SORCS3: variants seen among roughly 807,000 people sequenced by gnomAD.
SORCS3 encodes sortilin related VPS10 domain containing receptor 3.
A neutral mutation model predicts 146.3 loss-of-function variants in SORCS3; 57 were observed. That is an observed-to-expected ratio of 0.39 (90% CI 0.31 to 0.49). The LOEUF is 0.49. SORCS3 is among the 20% of genes least tolerant of loss of function. SORCS3 has a pLI of 0.92. For missense variants in SORCS3, 1,341 were observed against 1,575.5 expected (o/e 0.85, Z 2.52); for synonymous variants, 653 against 618.5 (o/e 1.06, Z -0.83).
At chr10:104,919,481 G>A (rs535796303) in intron 3 of SORCS3, among the ~76,000 whole-genome samples, 7 of 151,946 alleles carry the variant, frequency 4.6e-5, no homozygotes, top group African/African-American at 1.2e-4. Flanking sequence ...ACCTGAGGTC[G>A]GGAGTTCGAG....
intron 5 of SORCS3, among the ~76,000 whole-genome samples, chr10:105,059,266 A>G (rs956745163): frequency 2.0e-5 from 3 of 152,186 alleles, no homozygotes; most frequent in South Asian, 4.1e-4. Flanking sequence ...GTTCCAACCA[A>G]TGAAGACATT....
At chr10:104,818,093 C>G (rs924662287) in intron 1 of SORCS3, among the ~76,000 whole-genome samples, 15 of 152,170 alleles carry the variant, frequency 9.9e-5, no homozygotes, top group African/African-American at 2.9e-4. Context: ...TACACACACA[C>G]CTGTGCACAC....
chr10:104,758,327 A>C (rs1216200153), intron 1 of SORCS3, among the ~76,000 whole-genome samples: 1 of 152,096 alleles, frequency 6.6e-6, no homozygotes, highest in Non-Finnish European at 1.5e-5. Context: ...TTATTTTTGC[A>C]GGGGTGGGTG....
chr10:104,643,837 A>G (rs559348375), intron 1 of SORCS3, among the ~76,000 whole-genome samples: 2 of 152,100 alleles, frequency 1.3e-5, no homozygotes, highest in Admixed American at 6.5e-5. Context: ...ATGTCTTTAC[A>G]TCTGTGGCTT....
rs1201904804 is a variant in SORCS3 at position 105,252,820 on chromosome 10, G to C, written c.3151G>C (p.Gly1051Arg). 1 of 1,613,946 alleles carries C rather than the reference G, an allele frequency of 6.2e-7. No individual in the cohort carries two copies. The highest frequency in any genetic ancestry group is 1.7e-5 in the Admixed American group (1 of 60,000). The change falls in exon 23 of 27, where the codon GGT becomes CGT. Residue 1051 changes from glycine (G) to arginine (R), a missense_variant. By Grantham distance (125) the Gly-to-Arg change is moderately radical. Coordinates refer to ENST00000369701, the MANE Select transcript of SORCS3 (RefSeq NM_014978.3). ...EDQILIAVFP[G>R]LPTSAELFIL... Reference sequence around the variant, plus strand: ...CCAGATCCTCATTGCCGTGTTTCCTGGTCTCCCCACTTCAGCAGAGCTTTT... The same window carrying C: ...CCAGATCCTCATTGCCGTGTTTCCTCGTCTCCCCACTTCAGCAGAGCTTTT...
intron 19 of SORCS3, among the ~76,000 whole-genome samples, chr10:105,220,184 T>C (rs2056692241): frequency 6.6e-6 from 1 of 152,202 alleles, no homozygotes; most frequent in Non-Finnish European, 1.5e-5. Flanking sequence ...ATCCTTGGTT[T>C]GTCTCCACAT....
Position 105,205,641 on chromosome 10 carries a change from CTTG to C in SORCS3, c.2261+4391_2261+4393del, listed in dbSNP as rs545159787. Among the ~76,000 whole-genome samples, 9 of 152,310 alleles carry C rather than the reference CTTG, an allele frequency of 5.9e-5. No homozygotes were observed. The East Asian group carries it at 1.7e-3, about 29-fold the overall frequency. The stretch of plus-strand genomic sequence containing the variant: ...TAGCCCTCCAGGAGACCTGAATTCA[CTTG>C]TTCAGTGAGAAACGAGGTTGAACCA... On this transcript the variant is annotated intron_variant, in intron 16 of 26. Transcript: ENST00000369701.
intron 4 of SORCS3, among the ~76,000 whole-genome samples, chr10:105,035,972 C>T (rs2055303573): frequency 6.6e-6 from 1 of 151,996 alleles, no homozygotes; most frequent in Admixed American, 6.6e-5. Context: ...CATATACATT[C>T]TTATGGAGTT....
chr10:104,946,997 G>C (rs2019378081), intron 3 of SORCS3, among the ~76,000 whole-genome samples: 1 of 152,124 alleles, frequency 6.6e-6, no homozygotes, highest in Admixed American at 6.5e-5. Context: ...ACCTCTGGGA[G>C]GTGGTAGCCT....
At chr10:104,668,271 C>A (rs561210345) in intron 1 of SORCS3, among the ~76,000 whole-genome samples, 2 of 152,186 alleles carry the variant, frequency 1.3e-5, no homozygotes, top group Non-Finnish European at 2.9e-5. Context: ...TCTAAGGGGG[C>A]CCTTCTGGAC....
At chr10:104,932,517 C>T (rs1287518672) in intron 3 of SORCS3, among the ~76,000 whole-genome samples, 2 of 152,130 alleles carry the variant, frequency 1.3e-5, no homozygotes, top group East Asian at 3.9e-4. Flanking sequence ...TCTTGCCAAT[C>T]CTTACTCAGA....
In SORCS3 at chr10:105,020,868, C is replaced by CCCTT. The variant is rs1259437344; in HGVS notation, c.955-22182_955-22179dup. 2.6e-5 allele frequency among the ~76,000 whole-genome samples: 4 copies of CCCTT among 152,208 alleles called. No homozygotes were observed. The East Asian group carries it at 5.8e-4, about 22-fold the overall frequency. On this transcript the variant is annotated intron_variant, in intron 4 of 26. Coordinates refer to ENST00000369701, the MANE Select transcript of SORCS3 (RefSeq NM_014978.3). ...ACATGTCACTCAGCCAGAAAGATTT[C>CCCTT]CCTTCCTTGTCTGAGTTCGTATGAT...
intron 1 of SORCS3, among the ~76,000 whole-genome samples, chr10:104,772,811 CT>C (rs2017267023): frequency 6.6e-6 from 1 of 152,194 alleles, no homozygotes; most frequent in Admixed American, 6.5e-5. Flanking sequence ...TTGCCAATCT[CT>C]TTTTATACCA....
At chr10:104,827,096 A>G (rs1457090086) in intron 1 of SORCS3, among the ~76,000 whole-genome samples, 1 of 152,170 alleles carries the variant, frequency 6.6e-6, no homozygotes, top group Non-Finnish European at 1.5e-5. Context: ...TGAAGTCTTA[A>G]ACCCCTCAAA....
chr10:104,811,148 G>A (rs541565090), intron 1 of SORCS3, among the ~76,000 whole-genome samples: 14 of 152,292 alleles, frequency 9.2e-5, no homozygotes, highest in African/African-American at 3.4e-4. Flanking sequence ...ATATTTACTG[G>A]TACATTTCGT....
chr10:104,807,141 A>C (rs1180316460), intron 1 of SORCS3, among the ~76,000 whole-genome samples: 1 of 126,068 alleles, frequency 7.9e-6, no homozygotes, highest in Admixed American at 7.5e-5. Flanking sequence ...CTTTTAAGAA[A>C]TGGTCTGCTC....
intron 4 of SORCS3, among the ~76,000 whole-genome samples, chr10:105,041,626 A>T (rs1301156260): frequency 6.6e-6 from 1 of 152,058 alleles, no homozygotes. Context: ...AAATGAGTCA[A>T]AACTTTTCTG....
chr10:104,643,211 C>A (rs1045504721), intron 1 of SORCS3, among the ~76,000 whole-genome samples: 3 of 152,136 alleles, frequency 2.0e-5, no homozygotes, highest in African/African-American at 7.2e-5. Context: ...GAACTCACCC[C>A]GCAACTCCCT....
intron 1 of SORCS3, among the ~76,000 whole-genome samples, chr10:104,670,425 C>T (rs2015837403): frequency 6.6e-6 from 1 of 152,046 alleles, no homozygotes; most frequent in African/African-American, 2.4e-5. Flanking sequence ...GTTTTCTCAG[C>T]ACCGTTTATT....
Sources: allele counts gnomAD v4.1 joint callset (sites outside exome capture counted in the v4.1 genomes callset), GRCh38; gene constraint gnomAD v4.1.1; transcripts MANE v1.5; gene names NCBI Gene and HGNC (gene_info 2026-07-23, HGNC 2026-07-21).